Variants in CCDC88A observed in about 807,000 individuals in gnomAD.
The protein encoded by CCDC88A is girdin.
Under a neutral mutation model 234.3 loss-of-function variants are expected in CCDC88A, and 54 were observed. The ratio of observed to expected loss-of-function variants is 0.23; its 90% confidence interval spans 0.19 to 0.29. CCDC88A has a LOEUF of 0.29. Ranked by LOEUF, CCDC88A falls within the 10% of genes least tolerant of loss-of-function variation. The pLI is 1.00. For synonymous variants in CCDC88A, 753 were observed against 737.8 expected (o/e 1.02, Z -0.33); for missense variants, 1,832 against 2,123.4 (o/e 0.86, Z 2.70).
intron 2 of CCDC88A, among the ~76,000 whole-genome samples, chr2:55,398,651 G>T (rs1210143678): frequency 6.6e-6 from 1 of 151,668 alleles, no homozygotes; most frequent in African/African-American, 2.4e-5. Flanking sequence ...GATGGCTTAC[G>T]CCTGTAATCC....
chr2:55,337,007 A>G (rs1356547042), intron 13 of CCDC88A, 189 bp from the exon 14 acceptor site: 10 of 449,470 alleles, frequency 2.2e-5, no homozygotes, highest in Non-Finnish European at 2.3e-5. Flanking sequence ...AAATATGCAG[A>G]CATGATTTCT....
At chr2:55,400,214 T>C (rs1004050160) in intron 2 of CCDC88A, among the ~76,000 whole-genome samples, 1 of 152,164 alleles carries the variant, frequency 6.6e-6, no homozygotes, top group Non-Finnish European at 1.5e-5. Context: ...TACTATACCA[T>C]TTTTTTCTAA....
chr2:55,408,815 C>A (rs1680010675), intron 2 of CCDC88A, among the ~76,000 whole-genome samples: 1 of 152,058 alleles, frequency 6.6e-6, no homozygotes, highest in African/African-American at 2.4e-5. Context: ...ATCCAAGAAC[C>A]CTCTCTTGGG....
intron 28 of CCDC88A, 148 bp downstream of exon 28, chr2:55,301,057 GT>G: frequency 1.7e-6 from 1 of 602,458 alleles, no homozygotes; most frequent in Non-Finnish European, 2.9e-6. Flanking sequence ...GGAGTATTAG[GT>G]TTGAAGAAAT....
Position 55,334,481 on chromosome 2 carries a change from C to A in CCDC88A, c.2340G>T (p.Gln780His). ...KTLENSNKKIQQLESELQDLE... is the reference protein window; with the variant it reads ...KTLENSNKKIHQLESELQDLE... ...AGTCTTGTAGTTCACTCTCTAATTG[C>A]TGGATTTTTTTATTGCTGTTCTCTA... Residue 780 changes from glutamine to histidine, a missense_variant, in exon 15 of 33, where the codon CAG becomes CAT. This residue lies in a region of CCDC88A where 1,282 missense variants were observed against 1,543.6 expected (regional missense o/e 0.83). Coordinates refer to ENST00000436346, the MANE Select transcript of CCDC88A (RefSeq NM_001365480.1). This position sits in a 1 kb window ranked among gnomAD's most constrained non-coding sequence, Gnocchi z 6.1. The A allele has an allele frequency of 1.2e-6, 2 of 1,605,078 alleles. No homozygotes were observed. The highest frequency in any genetic ancestry group is 8.5e-7 in the Non-Finnish European group (1 of 1,177,514).
chr2:55,419,781 G>C lies in CCDC88A; in HGVS notation c.-702C>G, dbSNP rs974155014. The C allele has an allele frequency of 6.6e-6, 1 of 152,496 alleles. No homozygotes were observed. The highest frequency in any genetic ancestry group is 2.4e-5 in the African/African-American group (1 of 41,374). 9.4% of individuals were successfully genotyped at this position (152,496 alleles called of 1,614,324 possible). On this transcript the variant is annotated 5_prime_UTR_variant, in exon 1 of 33. Coordinates refer to ENST00000436346, the MANE Select transcript of CCDC88A (RefSeq NM_001365480.1). ...CTAAGCCCTGCCAGCCTTTCAGCGC[G>C]TCTCTGGGAATCCCTGGCACAAAAT...
chr2:55,419,498 A>C lies in CCDC88A; in HGVS notation c.-419T>G. On this transcript the variant is annotated 5_prime_UTR_variant, in exon 1 of 33. Transcript: ENST00000436346. ...GCTAAATGAAATACGTTAAACAGAG[A>C]CCACGTTAAGGATACCGAGGCGCCA... 1 of 175,628 alleles carries C rather than the reference A, an allele frequency of 5.7e-6. No individual in the cohort carries two copies. The highest frequency in any genetic ancestry group is 1.2e-5 in the Non-Finnish European group (1 of 82,268). The allele number at this position is 175,628 out of a possible 1,614,324, so 10.9% of individuals were successfully genotyped here.
At chr2:55,374,387 A>G (rs1450184053) in intron 4 of CCDC88A, among the ~76,000 whole-genome samples, 1 of 151,508 alleles carries the variant, frequency 6.6e-6, no homozygotes. Flanking sequence ...TAAATAAATA[A>G]ATAAAACATA....
intron 27 of CCDC88A, chr2:55,301,630 T>G (rs1294268968): frequency 3.4e-5 from 19 of 562,552 alleles, no homozygotes; most frequent in Non-Finnish European, 5.9e-5. Context: ...CCTGGTTTAC[T>G]TCTCGTTTTC....
chr2:55,300,338 T>TC (rs1680741443), intron 28 of CCDC88A: 1 of 164,758 alleles, frequency 6.1e-6, no homozygotes, highest in Admixed American at 5.8e-5. Flanking sequence ...TGTCCTGTAT[T>TC]CCTATCTGTA....
In CCDC88A at chr2:55,375,772, C is replaced by T. The variant is rs1673576273; in HGVS notation, c.274-889G>A. Among the ~76,000 whole-genome samples, 8 of 151,930 alleles carry T rather than the reference C, an allele frequency of 5.3e-5. 1 individual carries two copies. The South Asian group carries it at 1.0e-3, about 20-fold the overall frequency. On this transcript the variant is annotated intron_variant, in intron 3 of 32. Transcript: ENST00000436346. ...TGAACTCCTGACCTCAAGTGATCCACCCGCCTTGGCCTCCCAAAGTGTTGA... is the reference window on the plus strand; with the variant it reads ...TGAACTCCTGACCTCAAGTGATCCATCCGCCTTGGCCTCCCAAAGTGTTGA...
intron 17 of CCDC88A, among the ~76,000 whole-genome samples, chr2:55,325,188 AATTCATGAAC>A (rs1340753802): frequency 6.6e-6 from 1 of 152,236 alleles, no homozygotes; most frequent in Non-Finnish European, 1.5e-5. Context: ...TGAGTCTTCT[AATTCATGAAC>A]ATGGTTCTTA....
chr2:55,357,533 A>T (rs1340607685), intron 7 of CCDC88A, among the ~76,000 whole-genome samples: 1 of 152,080 alleles, frequency 6.6e-6, no homozygotes, highest in Non-Finnish European at 1.5e-5. Flanking sequence ...CTCTTACTCT[A>T]AACCAATTTC....
intron 5 of CCDC88A, among the ~76,000 whole-genome samples, chr2:55,371,545 T>C (rs1428818757): frequency 6.6e-6 from 1 of 152,196 alleles, no homozygotes; most frequent in Non-Finnish European, 1.5e-5. Flanking sequence ...CAGAGTTGAC[T>C]CACAGTTCTT....
chr2:55,365,549 G>A (rs770092329), intron 5 of CCDC88A, among the ~76,000 whole-genome samples: 2 of 152,096 alleles, frequency 1.3e-5, no homozygotes, highest in Non-Finnish European at 2.9e-5. Flanking sequence ...CTAAGCCAGA[G>A]CCACTTGTTT....
Position 55,367,075 on chromosome 2 carries a change from A to G in CCDC88A, c.403-3042T>C, listed in dbSNP as rs535791432. Among the ~76,000 whole-genome samples the G allele has an allele frequency of 5.3e-5, 8 of 152,332 alleles. No homozygotes were observed. In the South Asian group the frequency reaches 1.2e-3, roughly 24 times the overall value. On this transcript the variant is annotated intron_variant, in intron 5 of 32. Coordinates refer to ENST00000436346, the MANE Select transcript of CCDC88A (RefSeq NM_001365480.1). The stretch of plus-strand genomic sequence containing the variant: ...AATAATGGAATATTATTCAGCCTTA[A>G]TAAGGAAGGAAACTGACACATGCTA...
chr2:55,408,753 A>C (rs978960965), intron 2 of CCDC88A, among the ~76,000 whole-genome samples: 2 of 152,114 alleles, frequency 1.3e-5, no homozygotes, highest in African/African-American at 4.8e-5. Flanking sequence ...CTACTTTCTT[A>C]ATAAACTTGC....
rs905508910 is a variant in CCDC88A, at chr2:55,309,687, T to C, written c.4080-433A>G. Among the ~76,000 whole-genome samples, 2 of 152,130 alleles carry C rather than the reference T, an allele frequency of 1.3e-5. No individual in the cohort carries two copies. Among genetic ancestry groups the C allele is most frequent in the African/African-American group, 4.8e-5 (2 of 41,438 alleles). On this transcript the variant is annotated intron_variant, in intron 23 of 32. Coordinates refer to ENST00000436346, the MANE Select transcript of CCDC88A (RefSeq NM_001365480.1). This position sits in a 1 kb window ranked among gnomAD's most constrained non-coding sequence, Gnocchi z 5.1. ...CCTAGTCTCATTGTTATATTCTCAG[T>C]AGTATTTACTATACAGAGAAACATC...
chr2:55,332,530 AT>A lies in CCDC88A; in HGVS notation c.2855+35del, dbSNP rs202028104. The stretch of plus-strand genomic sequence containing the variant: ...CATGTATGAGCAAAAAAAAAAAAAA[AT>A]TTTCAACTGTTTGCCAAGTAGACTT... On this transcript the variant is annotated intron_variant, in intron 16 of 32. Transcript: ENST00000436346. This position sits in a 1 kb window ranked among gnomAD's most constrained non-coding sequence, Gnocchi z 4.5. The A allele has an allele frequency of 3.7e-4, 571 of 1,548,670 alleles. No homozygotes were observed. In the African/African-American group the frequency reaches 6.8e-3, roughly 18 times the overall value.
Sources: allele counts gnomAD v4.1 joint callset (sites outside exome capture counted in the v4.1 genomes callset), GRCh38; gene constraint gnomAD v4.1.1; regional missense constraint gnomAD v4.1.1; non-coding constraint Gnocchi (gnomAD v3.1); transcripts MANE v1.5; gene names NCBI Gene and HGNC (gene_info 2026-07-23, HGNC 2026-07-21).